The following COL5A2 variants were observed in gnomAD, a reference collection of about 807,000 sequenced individuals.
The protein encoded by COL5A2 is collagen type V alpha 2 chain, also known as collagen alpha-2(V) chain.
In COL5A2, 23 loss-of-function variants were observed where a neutral mutation model predicts 208.2. The observed-to-expected ratio is 0.11, with a 90% CI of 0.08 to 0.16. The LOEUF is 0.16. Among genes scored for constraint, COL5A2 ranks in the 10% least tolerant of loss-of-function variants. The pLI is 1.00. For synonymous variants in COL5A2, 625 were observed against 628.5 expected (o/e 0.99, Z 0.08); for missense variants, 1,590 against 1,956.4 (o/e 0.81, Z 3.53).
At chr2:189,301,632 A>G in the COL5A2 span, among the ~76,000 whole-genome samples, 1 of 152,176 alleles carries the variant, frequency 6.6e-6, no homozygotes, top group African/African-American at 2.4e-5. Context: ...CAGCTCCACA[A>G]TCTGGTTTTA....
chr2:189,174,704 T>C (rs1688644393), intron 1 of COL5A2, among the ~76,000 whole-genome samples: 1 of 152,206 alleles, frequency 6.6e-6, no homozygotes, highest in Admixed American at 6.5e-5. Flanking sequence ...TCTTAGGTGA[T>C]TCTTTATACC....
At chr2:189,191,162 A>AAAAAAAAAAAAAAAAAAAAAAAC (rs374376776) in intron 1 of COL5A2, among the ~76,000 whole-genome samples, 6 of 73,796 alleles carry the variant, frequency 8.1e-5, no homozygotes, top group Non-Finnish European at 1.4e-4. Context: ...CAAAAAACAA[A>AAAAAAAAAAAAAAAAAAAAAAAC]CAAACAACAA....
At position 189,110,096 on chromosome 2, in the gene COL5A2, T is replaced by C; in HGVS notation, c.322+129A>G. 4.0e-6 allele frequency: 3 copies of C among 742,138 alleles called. No individual in the cohort carries two copies. In the Admixed American group the frequency reaches 5.8e-5, roughly 14 times the overall value. 46.0% of individuals were successfully genotyped at this position (742,138 alleles called of 1,614,324 possible). On this transcript the variant is annotated intron_variant, in intron 2 of 53. Transcript: ENST00000374866. ...GTGAGTGAGCAAAATCATTAATCAT[T>C]AACCCCAAAAGCCACCAAAAAAGCT...
chr2:189,038,556 T>C (rs578163227), intron 51 of COL5A2, among the ~76,000 whole-genome samples: 2 of 152,278 alleles, frequency 1.3e-5, no homozygotes, highest in South Asian at 4.1e-4. Context: ...AATCACAGGA[T>C]TGCTGGGTCA....
At chr2:189,062,797 A>T in intron 29 of COL5A2, 68 bp downstream of exon 29, 1 of 1,583,252 alleles carries the variant, frequency 6.3e-7, no homozygotes, top group Non-Finnish European at 8.7e-7. Flanking sequence ...TCTTGAACAA[A>T]CATCATCGAA....
rs567850798 is a variant in COL5A2 at position 189,050,519 on chromosome 2, A to T, written c.3039+50T>A. On this transcript the variant is annotated intron_variant, in intron 43 of 53. Transcript: ENST00000374866. ...AAAAAATAAAATCAATTCTCTAAACAATTTGTATTGCACATATGAGATAAA... is the reference window on the plus strand; with the variant it reads ...AAAAAATAAAATCAATTCTCTAAACTATTTGTATTGCACATATGAGATAAA... 325 of 1,382,362 alleles carry T rather than the reference A, an allele frequency of 2.4e-4. 1 individual carries two copies. Among genetic ancestry groups the T allele is most frequent in the Middle Eastern group, 1.8e-3 (10 of 5,670 alleles). 85.6% of individuals were successfully genotyped at this position (1,382,362 alleles called of 1,614,324 possible). A position where few individuals can be genotyped will look rare whatever the true frequency, so the allele number is the denominator to read the frequency against.
chr2:189,208,746 G>A (rs1017249488), intron 1 of COL5A2, among the ~76,000 whole-genome samples: 5 of 152,142 alleles, frequency 3.3e-5, no homozygotes, highest in Admixed American at 2.6e-4. Flanking sequence ...ATACTACATT[G>A]GTTATTGAGC....
chr2:189,404,661 T>C, the COL5A2 span, among the ~76,000 whole-genome samples: 1 of 152,202 alleles, frequency 6.6e-6, no homozygotes, highest in Non-Finnish European at 1.5e-5. Context: ...CATCCACATA[T>C]ATCCTATTGG....
chr2:189,373,617 A>G, the COL5A2 span, among the ~76,000 whole-genome samples: 1 of 152,264 alleles, frequency 6.6e-6, no homozygotes, highest in South Asian at 2.1e-4. Context: ...GGCTTTCTAT[A>G]TAGCTGTAAA....
chr2:189,188,237 T>C (rs1187466509), intron 1 of COL5A2, among the ~76,000 whole-genome samples: 1 of 152,186 alleles, frequency 6.6e-6, no homozygotes, highest in East Asian at 1.9e-4. Context: ...TTTCCACCAT[T>C]TGGAGTCAAT....
intron 38 of COL5A2, 61 bp from the exon 39 acceptor site, chr2:189,053,079 G>A (rs1230552463): frequency 2.4e-6 from 3 of 1,270,858 alleles, no homozygotes; most frequent in Non-Finnish European, 2.3e-6. Flanking sequence ...TTACTTTAGA[G>A]TAATTATTAC....
At chr2:189,090,210 T>G (rs931539332) in intron 7 of COL5A2, among the ~76,000 whole-genome samples, 2 of 152,200 alleles carry the variant, frequency 1.3e-5, no homozygotes, top group African/African-American at 4.8e-5. Flanking sequence ...GAGAAAGGTT[T>G]AGTAGTCTGG....
At chr2:189,392,087 T>C in the COL5A2 span, among the ~76,000 whole-genome samples, 1 of 152,178 alleles carries the variant, frequency 6.6e-6, no homozygotes, top group Non-Finnish European at 1.5e-5. Flanking sequence ...ATTTGAGCAA[T>C]GTTAATATTG....
At chr2:189,179,350 A>G (rs1429903878) in intron 1 of COL5A2, among the ~76,000 whole-genome samples, 158 bp downstream of exon 1, 1 of 152,098 alleles carries the variant, frequency 6.6e-6, no homozygotes. Flanking sequence ...CAAACATCCC[A>G]ATTGTCTTTC....
At chr2:189,324,368 G>A in the COL5A2 span, among the ~76,000 whole-genome samples, 2 of 152,206 alleles carry the variant, frequency 1.3e-5, no homozygotes, top group African/African-American at 4.8e-5. Flanking sequence ...TACCATCAGA[G>A]TGAACAGGCA....
the COL5A2 span, among the ~76,000 whole-genome samples, chr2:189,254,931 C>G: frequency 6.6e-6 from 1 of 152,228 alleles, no homozygotes; most frequent in African/African-American, 2.4e-5. Flanking sequence ...CTTATAACCT[C>G]TATTCTGCTA....
chr2:189,212,864 AATAT>A (rs34736257), intron 1 of COL5A2, among the ~76,000 whole-genome samples: 131 of 143,966 alleles, frequency 9.1e-4, no homozygotes, highest in Middle Eastern at 3.7e-3. Context: ...TATAGTGTTA[AATAT>A]ATATATATAT....
chr2:189,362,575 G>A, the COL5A2 span, among the ~76,000 whole-genome samples: 4 of 151,980 alleles, frequency 2.6e-5, no homozygotes, highest in Non-Finnish European at 5.9e-5. Context: ...CTGACTGCCA[G>A]AATTTTTTTT....
At chr2:189,288,768 A>G in the COL5A2 span, among the ~76,000 whole-genome samples, 1 of 152,186 alleles carries the variant, frequency 6.6e-6, no homozygotes, top group African/African-American at 2.4e-5. Flanking sequence ...AAGAAAAGAA[A>G]ATTACAGGCC....
Sources: allele counts gnomAD v4.1 joint callset (sites outside exome capture counted in the v4.1 genomes callset), GRCh38; gene constraint gnomAD v4.1.1; transcripts MANE v1.5; gene names NCBI Gene and HGNC (gene_info 2026-07-23, HGNC 2026-07-21).